MLANA: variants seen among roughly 807,000 people sequenced by gnomAD.
MLANA encodes the protein melanoma antigen recognized by T-cells 1.
A neutral mutation model predicts 15.7 loss-of-function variants in MLANA; 21 were observed. The observed-to-expected ratio is 1.33, with a 90% CI of 0.95 to 1.92. MLANA has a LOEUF of 1.92. Ranked by LOEUF, MLANA falls within the 40% of genes most tolerant of loss-of-function variation. The pLI, the probability that MLANA is intolerant of heterozygous loss-of-function variation, is 0.00. For missense variants in MLANA, 164 were observed against 143.8 expected (o/e 1.14, Z -0.72); for synonymous variants, 56 against 51.5 (o/e 1.09, Z -0.37).
At chr9:5,904,633 C>T (rs141534842) in intron 3 of MLANA, among the ~76,000 whole-genome samples, 1 of 152,096 alleles carries the variant, frequency 6.6e-6, no homozygotes, top group East Asian at 1.9e-4. Context: ...CTACTATGCT[C>T]ATCTAATTTT....
chr9:5,907,443 T>C (rs1038781399), intron 4 of MLANA, among the ~76,000 whole-genome samples: 7 of 152,206 alleles, frequency 4.6e-5, no homozygotes, highest in East Asian at 1.9e-4. Flanking sequence ...CATGGTGCTA[T>C]TGAACACTTA....
Position 5,894,987 on chromosome 9 carries a change from A to G in MLANA, c.77+2436A>G, listed in dbSNP as rs905192649. 4.6e-5 allele frequency among the ~76,000 whole-genome samples: 7 copies of G among 152,254 alleles called. No individual in the cohort carries two copies. The highest frequency in any genetic ancestry group is 1.7e-4 in the African/African-American group (7 of 41,472). ...GTGTCTTGCAACCTGAATGACGTGC[A>G]TAAGCAGGGTCAGGTGGGTTATCTG... On this transcript the variant is annotated intron_variant, in intron 2 of 4. Transcript: ENST00000381477. This position sits in a 1 kb window ranked among gnomAD's most constrained non-coding sequence, Gnocchi z 4.0.
Position 5,892,498 on chromosome 9 carries a change from C to CATCTATGGTTAA in MLANA, c.35_36insAATCTATGGTTA (p.Gly11_Tyr12insTer). 1 of 1,613,860 alleles carries CATCTATGGTTAA rather than the reference C, an allele frequency of 6.2e-7. No individual in the cohort carries two copies. Among genetic ancestry groups the CATCTATGGTTAA allele is most frequent in the South Asian group, 1.1e-5 (1 of 91,016 alleles). Reference sequence around the variant, plus strand: ...AGATGCCAAGAGAAGATGCTCACTTCATCTATGGTTACCCCAAGAAGGGGC... The same window carrying CATCTATGGTTAA: ...AGATGCCAAGAGAAGATGCTCACTTCATCTATGGTTAAATCTATGGTTACCCCAAGAAGGGGC... On this transcript the variant is annotated stop_gained and inframe_insertion, in exon 2 of 5. Transcript: ENST00000381477. LOFTEE classifies it high-confidence loss of function.
chr9:5,905,355 C>T (rs972760483), intron 3 of MLANA, among the ~76,000 whole-genome samples: 3 of 152,166 alleles, frequency 2.0e-5, no homozygotes, highest in African/African-American at 7.2e-5. Context: ...ATTATACTCC[C>T]TCCCTTTTAG....
chr9:5,906,243 T>G (rs1832799529), intron 3 of MLANA, among the ~76,000 whole-genome samples: 1 of 148,718 alleles, frequency 6.7e-6, no homozygotes, highest in Non-Finnish European at 1.5e-5. Context: ...GGCAGGAGTA[T>G]CACTTGAACC....
rs1052994 is a variant in MLANA at position 5,894,344 on chromosome 9, A to G, written c.77+1793A>G. Among the ~76,000 whole-genome samples, 35,335 of 152,054 alleles carry G rather than the reference A, an allele frequency of 0.23. 4,703 individuals carry two copies. Among genetic ancestry groups the G allele is most frequent in the East Asian group, 0.48 (2,475 of 5,158 alleles). On this transcript the variant is annotated intron_variant, in intron 2 of 4. Transcript: ENST00000381477. This position sits in a 1 kb window ranked among gnomAD's most constrained non-coding sequence, Gnocchi z 4.0. ...AGACTTTAATATAAGAAGCTGGTTA[A>G]ACAGGCATGGGACTGAGACTGAGGA...
intron 2 of MLANA, among the ~76,000 whole-genome samples, chr9:5,892,987 C>T (rs1215668446): frequency 1.3e-5 from 2 of 152,194 alleles, no homozygotes; most frequent in East Asian, 1.9e-4. Context: ...ACTCAGCCCA[C>T]AGCCAGACTC....
At chr9:5,891,245 G>A (rs1258006782) in intron 1 of MLANA, 1 of 152,234 alleles carries the variant, frequency 6.6e-6, no homozygotes, top group African/African-American at 2.4e-5. Context: ...CTCCTGGTCT[G>A]AGTAGTAAGA....
At chr9:5,906,708 A>G (rs1320252211) in intron 3 of MLANA, among the ~76,000 whole-genome samples, 177 bp from the exon 4 acceptor site, 2 of 152,260 alleles carry the variant, frequency 1.3e-5, no homozygotes, top group Non-Finnish European at 2.9e-5. Context: ...TAGGTATTAT[A>G]TTCCTAGATG....
rs763310379 is a variant in MLANA, at chr9:5,908,923, T to A, written c.*215T>A. ...TATTAAATTGGGAAAACTCCATCAA[T>A]AAATGTTGCAATGCATGATACTATC... On this transcript the variant is annotated 3_prime_UTR_variant, in exon 5 of 5. Coordinates refer to ENST00000381477, the MANE Select transcript of MLANA (RefSeq NM_005511.2). The A allele has an allele frequency of 7.3e-6, 4 of 546,580 alleles. No homozygotes were observed. The Admixed American group carries it at 1.3e-4, about 18-fold the overall frequency. The allele number at this position is 546,580 out of a possible 1,614,324, so 33.9% of individuals were successfully genotyped here. A position where few individuals can be genotyped will look rare whatever the true frequency, so the allele number is the denominator to read the frequency against.
chr9:5,906,817 C>A, intron 3 of MLANA, 68 bp from the exon 4 acceptor site: 1 of 1,067,138 alleles, frequency 9.4e-7, no homozygotes. Context: ...CTTTGGCTTC[C>A]TTCTCTTTTC....
At chr9:5,892,614 C>T in intron 2 of MLANA, 63 bp downstream of exon 2, 1 of 1,375,434 alleles carries the variant, frequency 7.3e-7, no homozygotes, top group South Asian at 1.2e-5. Flanking sequence ...AGCCTGCTGA[C>T]TTCCACCAGT....
intron 2 of MLANA, among the ~76,000 whole-genome samples, chr9:5,892,997 C>G (rs573651973): frequency 6.6e-6 from 1 of 152,028 alleles, no homozygotes; most frequent in African/African-American, 2.4e-5. Flanking sequence ...CAGCCAGACT[C>G]GAGAGGAAGA....
At chr9:5,899,449 A>G (rs1007092267) in intron 3 of MLANA, among the ~76,000 whole-genome samples, 1 of 152,186 alleles carries the variant, frequency 6.6e-6, no homozygotes, top group Admixed American at 6.5e-5. Flanking sequence ...AGGCAAGTCA[A>G]GTCTGGGGGC....
At chr9:5,899,749 T>G (rs4554522) in intron 3 of MLANA, among the ~76,000 whole-genome samples, 1 of 152,108 alleles carries the variant, frequency 6.6e-6, no homozygotes, top group Non-Finnish European at 1.5e-5. Flanking sequence ...CTTTCCCCTA[T>G]GTATGAACCA....
intron 2 of MLANA, among the ~76,000 whole-genome samples, chr9:5,896,221 C>T (rs998274611): frequency 3.3e-5 from 5 of 152,232 alleles, no homozygotes; most frequent in African/African-American, 1.2e-4. Flanking sequence ...TCATTCCTAA[C>T]TCCGAGGACT....
chr9:5,901,779 C>G (rs1178592683), intron 3 of MLANA, among the ~76,000 whole-genome samples: 1 of 151,674 alleles, frequency 6.6e-6, no homozygotes, highest in Non-Finnish European at 1.5e-5. Flanking sequence ...GCCTCAGCCT[C>G]CCAAAGTGCT....
intron 3 of MLANA, among the ~76,000 whole-genome samples, chr9:5,901,498 A>G (rs1832421978): frequency 6.6e-6 from 1 of 152,012 alleles, no homozygotes; most frequent in Non-Finnish European, 1.5e-5. Flanking sequence ...TAGTCTATTG[A>G]TGTATCAGAA....
At chr9:5,907,959 T>G (rs568696829) in intron 4 of MLANA, among the ~76,000 whole-genome samples, 2 of 151,942 alleles carry the variant, frequency 1.3e-5, no homozygotes, top group Non-Finnish European at 2.9e-5. Flanking sequence ...ATCTCAAAAA[T>G]AAATAAATAA....
Sources: allele counts gnomAD v4.1 joint callset (sites outside exome capture counted in the v4.1 genomes callset), GRCh38; gene constraint gnomAD v4.1.1; non-coding constraint Gnocchi (gnomAD v3.1); transcripts MANE v1.5; gene names NCBI Gene and HGNC (gene_info 2026-07-23, HGNC 2026-07-21).